The following CRB1 variants were observed in gnomAD, a reference collection of about 807,000 sequenced individuals.
CRB1 encodes the protein protein crumbs homolog 1.
In CRB1, 83 loss-of-function variants were observed where a neutral mutation model predicts 120.0. That is an observed-to-expected ratio of 0.69 (90% CI 0.58 to 0.83). The LOEUF is 0.83. CRB1 is among the 40% of genes least tolerant of loss of function. CRB1 has a pLI of 0.00. For missense variants in CRB1, 1,699 were observed against 1,687.6 expected (o/e 1.01, Z -0.12); for synonymous variants, 625 against 612.5 (o/e 1.02, Z -0.30).
At position 197,427,998 on chromosome 1, in the gene CRB1, C is replaced by A. The variant is rs759662695; in HGVS notation, c.2673C>A (p.Cys891Ter). 1 of 1,612,830 alleles carries A rather than the reference C, an allele frequency of 6.2e-7. No individual in the cohort carries two copies. The highest frequency in any genetic ancestry group is 8.5e-7 in the Non-Finnish European group (1 of 1,179,242). ...AAGGCTGTGCTGGAGACAACAGCTG[C>A]AAGGTAATGATTACTCATACAAACT... ...VTQGCAGDNSCKSNPCHNGGV... is the reference protein window; with the variant it reads ...VTQGCAGDNS Residue 891 changes from cysteine (C) to a stop codon, truncating the protein, a stop_gained, in exon 7 of 12, where the codon TGC (cysteine) becomes TGA (stop). Transcript: ENST00000367400. LOFTEE classifies it high-confidence loss of function.
intron 11 of CRB1, among the ~76,000 whole-genome samples, chr1:197,464,753 A>T (rs562015484): frequency 0.022 from 3,366 of 152,270 alleles, 120 homozygotes; most frequent in African/African-American, 0.076. Context: ...CCAGAAAAAA[A>T]ACTATATTTT....
chr1:197,431,408 G>A lies in CRB1; in HGVS notation c.2842+1794G>A, dbSNP rs139625394. On this transcript the variant is annotated intron_variant, in intron 8 of 11. Transcript: ENST00000367400. ...AAATAAGGTAAATTGGTTTTTAATG[G>A]GGCACTAAATTTTAAATGATACTTT... Among the ~76,000 whole-genome samples, 63 of 151,958 alleles carry A rather than the reference G, an allele frequency of 4.1e-4. 1 individual carries two copies. Among genetic ancestry groups the A allele is most frequent in the African/African-American group, 1.4e-3 (59 of 41,444 alleles).
chr1:197,283,764 A>C (rs544771279), intron 1 of CRB1, among the ~76,000 whole-genome samples: 7 of 151,676 alleles, frequency 4.6e-5, no homozygotes, highest in African/African-American at 1.7e-4. Flanking sequence ...CATTTTCTGT[A>C]AGTAGGCCAA....
intron 1 of CRB1, among the ~76,000 whole-genome samples, chr1:197,274,481 C>G (rs1655085782): frequency 6.6e-6 from 1 of 152,114 alleles, no homozygotes; most frequent in Admixed American, 6.6e-5. Flanking sequence ...TATAAATTTG[C>G]ATGCAATTGG....
chr1:197,320,470 CAT>C (rs1658124657), intron 1 of CRB1, among the ~76,000 whole-genome samples: 1 of 152,130 alleles, frequency 6.6e-6, no homozygotes, highest in East Asian at 1.9e-4. Context: ...TAAAAACTGA[CAT>C]AGAAAAAAGC....
At chr1:197,404,441 C>CAAAAAAAA (rs558125777) in intron 5 of CRB1, among the ~76,000 whole-genome samples, 9 of 58,716 alleles carry the variant, frequency 1.5e-4, no homozygotes, top group African/African-American at 5.3e-4. Flanking sequence ...GACTCCGTCT[C>CAAAAAAAA]AAAAAAAAAA....
Position 197,411,213 on chromosome 1 carries a change from G to A in CRB1, c.1172-9787G>A, listed in dbSNP as rs1000948845. Among the ~76,000 whole-genome samples, 3 of 151,904 alleles carry A rather than the reference G, an allele frequency of 2.0e-5. No individual in the cohort carries two copies. The South Asian group carries it at 6.2e-4, about 32-fold the overall frequency. ...CTGTCTCCTAAAACAAAAATATTTC[G>A]AGTTCAAATTGGGAGTTAGAAAGGG... On this transcript the variant is annotated intron_variant, in intron 5 of 11. Transcript: ENST00000367400.
At chr1:197,262,140 G>A in the CRB1 span, among the ~76,000 whole-genome samples, 4 of 152,204 alleles carry the variant, frequency 2.6e-5, no homozygotes, top group Admixed American at 2.0e-4. Context: ...TGTATTGCAG[G>A]TGTACATATA....
In CRB1 at chr1:197,419,138, G is replaced by A. The variant is rs147849578; in HGVS notation, c.1172-1862G>A. ...AATACTATTATTAATCCCATTCATA[G>A]ATGAGGAAACAAATATAGAAAGTAT... On this transcript the variant is annotated intron_variant, in intron 5 of 11. Transcript: ENST00000367400. Among the ~76,000 whole-genome samples, 109 of 152,240 alleles carry A rather than the reference G, an allele frequency of 7.2e-4. No individual in the cohort carries two copies. The East Asian group carries it at 0.02, about 28-fold the overall frequency.
At chr1:197,266,735 T>C (rs1367451936), upstream of CRB1, among the ~76,000 whole-genome samples, 2 of 152,206 alleles carry the variant, frequency 1.3e-5, no homozygotes, top group African/African-American at 4.8e-5. Context: ...ACTTTTGTCT[T>C]TTGAAAAACT....
Position 197,427,688 on chromosome 1 carries a change from TTAA to T in CRB1, c.2365_2367del (p.Asn789del), listed in dbSNP as rs1433518605. On this transcript the variant is annotated inframe_deletion, in exon 7 of 12. Transcript: ENST00000367400. Reference sequence around the variant, plus strand: ...CCCAAATTAGTAGTAAAATTTGTTCTTAATGATGGAAATGTCCACTTGATATCT... The same window carrying T: ...CCCAAATTAGTAGTAAAATTTGTTCTTGATGGAAATGTCCACTTGATATCT... 9.3e-6 allele frequency: 15 copies of T among 1,613,828 alleles called. No individual in the cohort carries two copies. The highest frequency in any genetic ancestry group is 1.2e-5 in the Non-Finnish European group (14 of 1,179,934).
the CRB1 span, among the ~76,000 whole-genome samples, chr1:197,248,780 A>G: frequency 2.6e-5 from 4 of 151,924 alleles, no homozygotes; most frequent in African/African-American, 7.2e-5. Flanking sequence ...ATTGATTAAA[A>G]TGTCTTTGCA....
At chr1:197,201,609 G>C in the CRB1 span, among the ~76,000 whole-genome samples, 2 of 152,230 alleles carry the variant, frequency 1.3e-5, no homozygotes, top group Non-Finnish European at 2.9e-5. Flanking sequence ...TGCTGAGGGA[G>C]GGCAATGGGA....
At chr1:197,264,656 C>T (rs537279167), upstream of CRB1, among the ~76,000 whole-genome samples, 8 of 144,358 alleles carry the variant, frequency 5.5e-5, no homozygotes, top group East Asian at 1.7e-3. Flanking sequence ...CTCTGTCGCT[C>T]TGTCGCCCAG....
chr1:197,395,994 T>C (rs1042854495), intron 5 of CRB1, among the ~76,000 whole-genome samples: 1 of 152,098 alleles, frequency 6.6e-6, no homozygotes, highest in Admixed American at 6.6e-5. Flanking sequence ...TCCTGGTCAG[T>C]GCAACATGGT....
intron 5 of CRB1, among the ~76,000 whole-genome samples, chr1:197,405,741 T>C (rs935706357): frequency 2.0e-5 from 3 of 148,648 alleles, no homozygotes; most frequent in African/African-American, 7.5e-5. Flanking sequence ...GTCTGAGAAG[T>C]GAGGAGACCC....
chr1:197,228,321 G>T, the CRB1 span, among the ~76,000 whole-genome samples: 15 of 152,136 alleles, frequency 9.9e-5, no homozygotes, highest in African/African-American at 3.4e-4. Context: ...GAAATGAAAA[G>T]CTTTAACAGC....
chr1:197,350,317 A>G (rs992049444), intron 4 of CRB1, among the ~76,000 whole-genome samples: 1 of 152,164 alleles, frequency 6.6e-6, no homozygotes, highest in African/African-American at 2.4e-5. Flanking sequence ...AGGGATAAAA[A>G]TACTTTACTT....
At chr1:197,398,892 T>G (rs545447417) in intron 5 of CRB1, among the ~76,000 whole-genome samples, 5 of 136,310 alleles carry the variant, frequency 3.7e-5, no homozygotes, top group African/African-American at 1.4e-4. Context: ...CAGGAAATGA[T>G]TGTGTGTGTG....
Sources: gnomAD v4.1 joint callset for allele counts (sites outside exome capture counted in the v4.1 genomes callset) on GRCh38, gnomAD v4.1.1 for gene constraint, MANE v1.5 for transcripts, NCBI Gene and HGNC (gene_info 2026-07-23, HGNC 2026-07-21) for gene names.